The following PTPRG variants were observed in gnomAD, a reference collection of about 807,000 sequenced individuals.
PTPRG encodes protein tyrosine phosphatase receptor type G, also known as receptor-type tyrosine-protein phosphatase gamma.
A neutral mutation model predicts 165.3 loss-of-function variants in PTPRG; 102 were observed. The ratio of observed to expected loss-of-function variants is 0.62; its 90% CI spans 0.53 to 0.73. PTPRG has a LOEUF of 0.73. Among genes scored for constraint, PTPRG ranks in the 30% least tolerant of loss-of-function variants. The probability of loss-of-function intolerance (pLI) is 0.00; values close to 1 mark genes in which losing one functional copy is unlikely to be tolerated. For synonymous variants in PTPRG, 675 were observed against 669.5 expected, an observed-to-expected ratio of 1.01 and a Z score of -0.13; for missense variants, 1,866 against 1,861.4, an observed-to-expected ratio of 1.00 and a Z score of -0.05.
At chr3:61,796,874 C>T (rs1010985755) in intron 2 of PTPRG, among the ~76,000 whole-genome samples, 1 of 152,208 alleles carries the variant, frequency 6.6e-6, no homozygotes, top group African/African-American at 2.4e-5. Context: ...GTGGCACATA[C>T]TAACCACTCC....
At chr3:61,823,679 A>T (rs773186170) in intron 2 of PTPRG, among the ~76,000 whole-genome samples, 1 of 152,218 alleles carries the variant, frequency 6.6e-6, no homozygotes, top group Non-Finnish European at 1.5e-5. Flanking sequence ...TAGCTTAATA[A>T]GGTGAAAGGA....
chr3:62,124,869 T>A (rs2106904469), intron 5 of PTPRG, among the ~76,000 whole-genome samples: 1 of 152,322 alleles, frequency 6.6e-6, no homozygotes, highest in East Asian at 1.9e-4. Flanking sequence ...GAATCTTTCA[T>A]AACATTGCTT....
intron 4 of PTPRG, among the ~76,000 whole-genome samples, chr3:62,054,577 C>A (rs1232396358): frequency 2.6e-5 from 4 of 152,120 alleles, no homozygotes; most frequent in African/African-American, 9.7e-5. Flanking sequence ...ACCTGGTTGC[C>A]AGAGCAGACT....
At chr3:61,762,526 G>A (rs575485686) in intron 2 of PTPRG, among the ~76,000 whole-genome samples, 205 of 152,182 alleles carry the variant, frequency 1.3e-3, no homozygotes, top group African/African-American at 3.9e-3. Context: ...CAGGAGAGAC[G>A]CTTGAACCCA....
intron 2 of PTPRG, among the ~76,000 whole-genome samples, chr3:61,975,800 G>C (rs1336655168): frequency 1.3e-5 from 2 of 152,132 alleles, no homozygotes; most frequent in Admixed American, 1.3e-4. Context: ...CCTGTGGTCT[G>C]TAAAGATTTT....
In PTPRG at chr3:61,654,260, T is replaced by C. The variant is rs541668218; in HGVS notation, c.85+91888T>C. Reference sequence around the variant, plus strand: ...CCCCCTGCACCCATATGCTAGATAATTGATGTGCGTTCTCAAGTCTTCATA... The same window carrying C: ...CCCCCTGCACCCATATGCTAGATAACTGATGTGCGTTCTCAAGTCTTCATA... On this transcript the variant is annotated intron_variant, in intron 1 of 29. Transcript: ENST00000474889. 4.6e-5 allele frequency among the ~76,000 whole-genome samples: 7 copies of C among 152,252 alleles called. No individual in the cohort carries two copies. In the South Asian group the frequency reaches 1.2e-3, roughly 27 times the overall value.
chr3:61,945,590 T>A (rs112029564), intron 2 of PTPRG, among the ~76,000 whole-genome samples: 1,804 of 70,410 alleles, frequency 0.026, 17 homozygotes, highest in South Asian at 0.056. Flanking sequence ...AAAAAAAAAA[T>A]GGAAAAAACA....
At chr3:62,055,585 C>G (rs1165337343) in intron 4 of PTPRG, among the ~76,000 whole-genome samples, 4 of 152,174 alleles carry the variant, frequency 2.6e-5, no homozygotes, top group Admixed American at 6.6e-5. Context: ...TAGCTTAGAA[C>G]AGCAGATATT....
intron 5 of PTPRG, among the ~76,000 whole-genome samples, chr3:62,105,183 A>G (rs1702430675): frequency 6.6e-6 from 1 of 152,202 alleles, no homozygotes; most frequent in African/African-American, 2.4e-5. Flanking sequence ...GTTCATAGAT[A>G]TTTATGCATG....
chr3:62,254,682 G>C lies in PTPRG; in HGVS notation c.2468-442G>C, dbSNP rs1701497004. On this transcript the variant is annotated intron_variant, in intron 15 of 29. Coordinates refer to ENST00000474889, the MANE Select transcript of PTPRG (RefSeq NM_002841.4). The surrounding 1 kb of genome is among the most constrained non-coding windows in gnomAD (Gnocchi z 4.6). ...CTTAAAACTTATAAGATTGGAAATA[G>C]AACTTAATTGCTTAAAGTTCAAGCT... 6.6e-6 allele frequency among the ~76,000 whole-genome samples: 1 copy of C among 151,776 alleles called. No individual in the cohort carries two copies. Among genetic ancestry groups the C allele is most frequent in the Admixed American group, 6.6e-5 (1 of 15,238 alleles).
At chr3:61,836,754 TG>T (rs2036475573) in intron 2 of PTPRG, among the ~76,000 whole-genome samples, 4 of 152,306 alleles carry the variant, frequency 2.6e-5, no homozygotes, top group African/African-American at 9.6e-5. Flanking sequence ...TTTTTTTATT[TG>T]TTTTTTTCAG....
chr3:61,900,935 G>T (rs958449898), intron 2 of PTPRG, among the ~76,000 whole-genome samples: 4 of 152,152 alleles, frequency 2.6e-5, no homozygotes, highest in South Asian at 2.1e-4. Flanking sequence ...TTAACCTGTG[G>T]ATGCTAACAG....
intron 5 of PTPRG, among the ~76,000 whole-genome samples, chr3:62,104,070 G>A (rs560542211): frequency 4.6e-4 from 70 of 152,292 alleles, no homozygotes; most frequent in African/African-American, 1.6e-3. Context: ...GTTACTTTAT[G>A]GAGCCTAAGC....
intron 1 of PTPRG, among the ~76,000 whole-genome samples, chr3:61,637,116 C>T (rs760012124): frequency 9.9e-5 from 15 of 152,078 alleles, no homozygotes; most frequent in South Asian, 2.1e-4. Flanking sequence ...GTGGAGTTGG[C>T]GGACTAACAC....
chr3:62,140,138 C>T (rs148239351), intron 6 of PTPRG, among the ~76,000 whole-genome samples: 33 of 152,298 alleles, frequency 2.2e-4, no homozygotes, highest in African/African-American at 6.0e-4. Context: ...AAAAAGAAAC[C>T]GGCCCCAGGA....
At chr3:62,125,291 A>G (rs967656711) in intron 5 of PTPRG, among the ~76,000 whole-genome samples, 4 of 152,160 alleles carry the variant, frequency 2.6e-5, no homozygotes, top group Non-Finnish European at 1.5e-5. Flanking sequence ...AACCTGTTTG[A>G]TCCAATGTGC....
At chr3:62,151,464 A>T (rs1704335069) in intron 6 of PTPRG, among the ~76,000 whole-genome samples, 2 of 152,058 alleles carry the variant, frequency 1.3e-5, no homozygotes, top group Non-Finnish European at 2.9e-5. Flanking sequence ...TACATTATTC[A>T]TTTTTGCAAT....
chr3:61,688,609 AG>A (rs2029931159), intron 1 of PTPRG, among the ~76,000 whole-genome samples: 1 of 152,208 alleles, frequency 6.6e-6, no homozygotes, highest in South Asian at 2.1e-4. Flanking sequence ...AGCAGGATGC[AG>A]GCAAGTCAGA....
rs1400836155 is a variant in PTPRG at position 62,219,411 on chromosome 3, T to C, written c.2288+428T>C. On this transcript the variant is annotated intron_variant, in intron 13 of 29. Transcript: ENST00000474889. This position sits in a 1 kb window ranked among gnomAD's most constrained non-coding sequence, Gnocchi z 4.5. The stretch of plus-strand genomic sequence containing the variant: ...AACTCCTCTTTACCTTAGAATTTTT[T>C]TTCATAGTCTTTCACTGAAAATTAA... Among the ~76,000 whole-genome samples, 1 of 152,272 alleles carries C rather than the reference T, an allele frequency of 6.6e-6. No homozygotes were observed. The highest frequency in any genetic ancestry group is 2.4e-5 in the African/African-American group (1 of 41,472).
Sources: allele counts gnomAD v4.1 joint callset (sites outside exome capture counted in the v4.1 genomes callset), GRCh38; gene constraint gnomAD v4.1.1; non-coding constraint Gnocchi (gnomAD v3.1); transcripts MANE v1.5; gene names NCBI Gene and HGNC (gene_info 2026-07-23, HGNC 2026-07-21).